The following EDDM13 variants were observed in gnomAD, a reference collection of about 807,000 sequenced individuals.
EDDM13 encodes epididymal protein 13.
In EDDM13, 24 loss-of-function variants were observed where a neutral mutation model predicts 17.8. The observed-to-expected ratio is 1.35, with a 90% confidence interval of 0.98 to 1.90. The LOEUF (loss-of-function observed/expected upper bound fraction) is 1.90. Among genes scored for constraint, EDDM13 ranks in the 40% most tolerant of loss-of-function variants. EDDM13 has a pLI of 0.00. For synonymous variants in EDDM13, 31 were observed against 37.5 expected (o/e 0.83, Z 0.63); for missense variants, 97 against 100.8 (o/e 0.96, Z 0.16).
chr19:56,307,245 C>T (rs954360119), intron 14 of EDDM13, among the ~76,000 whole-genome samples: 6 of 152,236 alleles, frequency 3.9e-5, no homozygotes, highest in Non-Finnish European at 7.3e-5. Context: ...CATCCTCTCC[C>T]TGGCATCCCC....
chr19:56,283,493 A>C (rs2038869667), intron 4 of EDDM13: 1 of 152,304 alleles, frequency 6.6e-6, no homozygotes, highest in South Asian at 2.1e-4. Flanking sequence ...TGCCCACATC[A>C]ATATTCCCAA....
chr19:56,292,261 A>AAAACATG (rs1292934929), intron 9 of EDDM13, among the ~76,000 whole-genome samples: 2 of 152,194 alleles, frequency 1.3e-5, no homozygotes, highest in Non-Finnish European at 2.9e-5. Context: ...TAAAATATAC[A>AAAACATG]AAACATGAAA....
At chr19:56,275,966 C>A (rs1364502823) in intron 1 of EDDM13, among the ~76,000 whole-genome samples, 126 bp from the exon 2 acceptor site, 1 of 152,196 alleles carries the variant, frequency 6.6e-6, no homozygotes, top group East Asian at 1.9e-4. Flanking sequence ...AGTGGGTCAG[C>A]TGATCTCCAG....
At position 56,285,536 on chromosome 19, in the gene EDDM13, GT is replaced by G. The variant is rs200384376; in HGVS notation, c.154+520del. Among the ~76,000 whole-genome samples the G allele has an allele frequency of 2.6e-3, 392 of 151,982 alleles. 8 individuals carry two copies. The highest frequency in any genetic ancestry group is 0.018 in the Admixed American group (270 of 15,260). On this transcript the variant is annotated intron_variant, in intron 6 of 14. Transcript: ENST00000649256. ...TGAGCCTCTGGTTCATGTACATTTA[GT>G]TTTTTTTCTAATATATATGTTTTTA...
chr19:56,309,249 C>A (rs190344800), intron 14 of EDDM13, among the ~76,000 whole-genome samples: 157 of 152,238 alleles, frequency 1.0e-3, no homozygotes, highest in African/African-American at 3.6e-3. Context: ...ACAGATCTGG[C>A]AAATTCAAAG....
chr19:56,302,419 CCTCCCTTT>C lies in EDDM13; in HGVS notation c.423+332_423+339del, dbSNP rs1392428304. Among the ~76,000 whole-genome samples, 29 of 140,988 alleles carry C rather than the reference CCTCCCTTT, an allele frequency of 2.1e-4. No individual in the cohort carries two copies. The East Asian group carries it at 4.1e-3, about 20-fold the overall frequency. The allele number at this position is 140,988 out of a possible 152,430, so 92.5% of individuals were successfully genotyped here. A position where few individuals can be genotyped will look rare whatever the true frequency, so the allele number is the denominator to read the frequency against. Reference sequence around the variant, plus strand: ...CCTATTCTTTCCTCCTCCCTTCATCCCTCCCTTTCTCCCTTCCTTCCTTTCTTCCTCTC... The same window carrying C: ...CCTATTCTTTCCTCCTCCCTTCATCCCTCCCTTCCTTCCTTTCTTCCTCTC... On this transcript the variant is annotated intron_variant, in intron 13 of 14. Coordinates refer to ENST00000649256, the MANE Select transcript of EDDM13 (RefSeq NM_001354658.2).
chr19:56,304,074 T>A (rs1004041404), intron 13 of EDDM13, among the ~76,000 whole-genome samples: 1 of 152,074 alleles, frequency 6.6e-6, no homozygotes, highest in African/African-American at 2.4e-5. Flanking sequence ...CCTTCTGAGT[T>A]ATCAAAGGAT....
chr19:56,296,478 G>A (rs371673959), intron 11 of EDDM13, 116 bp downstream of exon 11: 7 of 152,284 alleles, frequency 4.6e-5, no homozygotes, highest in Admixed American at 1.3e-4. Flanking sequence ...CTCTTTATCC[G>A]TATCATCATC....
chr19:56,280,712 G>A (rs969493108), intron 2 of EDDM13: 4 of 152,132 alleles, frequency 2.6e-5, no homozygotes, highest in African/African-American at 9.7e-5. Flanking sequence ...TATGATCAAA[G>A]GACAGAGAGA....
At chr19:56,297,620 T>C (rs2039967426) in intron 12 of EDDM13, 89 bp downstream of exon 12, 1 of 801,402 alleles carries the variant, frequency 1.2e-6, no homozygotes, top group Admixed American at 6.3e-5. Flanking sequence ...AGAGAAGATT[T>C]CAGGTAATCA....
chr19:56,278,100 T>TG (rs2038401234), intron 2 of EDDM13, among the ~76,000 whole-genome samples: 1 of 103,846 alleles, frequency 9.6e-6, no homozygotes. Flanking sequence ...CACAATGTGC[T>TG]ATTTTTTTTT....
At chr19:56,281,911 A>G (rs1033395862) in intron 3 of EDDM13, among the ~76,000 whole-genome samples, 1 of 152,222 alleles carries the variant, frequency 6.6e-6, no homozygotes, top group Non-Finnish European at 1.5e-5. Context: ...GAGGAGGCCA[A>G]CAAGCCTCTG....
intron 9 of EDDM13, among the ~76,000 whole-genome samples, 34 bp downstream of exon 9, chr19:56,290,880 G>A (rs1316952680): frequency 2.0e-5 from 3 of 152,114 alleles, no homozygotes; most frequent in Admixed American, 1.3e-4. Context: ...GGGTCACTTG[G>A]AAGTTTTCAG....
intron 3 of EDDM13, 113 bp from the exon 4 acceptor site, chr19:56,282,378 G>A (rs1335890221): frequency 3.7e-6 from 2 of 536,276 alleles, no homozygotes; most frequent in Admixed American, 6.4e-5. Flanking sequence ...GGGGTGCAAT[G>A]AGGTACCAAG....
chr19:56,288,074 CT>C (rs2147127102), intron 6 of EDDM13, among the ~76,000 whole-genome samples: 1 of 152,270 alleles, frequency 6.6e-6, no homozygotes, highest in Admixed American at 6.5e-5. Context: ...GGTCACGAGG[CT>C]GGTGTGGCAG....
At chr19:56,298,670 T>C (rs1318530779) in intron 12 of EDDM13, among the ~76,000 whole-genome samples, 1 of 149,750 alleles carries the variant, frequency 6.7e-6, no homozygotes, top group African/African-American at 2.5e-5. Context: ...AAAAAAAATC[T>C]GAATAATCCT....
At chr19:56,304,522 C>A (rs1325048926) in intron 13 of EDDM13, among the ~76,000 whole-genome samples, 1 of 152,106 alleles carries the variant, frequency 6.6e-6, no homozygotes, top group Non-Finnish European at 1.5e-5. Context: ...ACGTCAGGAA[C>A]CTGAGGCTGA....
At chr19:56,300,927 G>T (rs963519432) in intron 12 of EDDM13, among the ~76,000 whole-genome samples, 1 of 152,144 alleles carries the variant, frequency 6.6e-6, no homozygotes, top group African/African-American at 2.4e-5. Flanking sequence ...CGACACGGTC[G>T]GATCTGGTGC....
At chr19:56,289,420 T>A (rs1359560098) in intron 8 of EDDM13, among the ~76,000 whole-genome samples, 1 of 152,152 alleles carries the variant, frequency 6.6e-6, no homozygotes, top group African/African-American at 2.4e-5. Context: ...GGAAGAAAGA[T>A]GGTGGAGCAG....
Sources: gnomAD v4.1 joint callset for allele counts (sites outside exome capture counted in the v4.1 genomes callset) on GRCh38, gnomAD v4.1.1 for gene constraint, MANE v1.5 for transcripts, NCBI Gene and HGNC (gene_info 2026-07-23, HGNC 2026-07-21) for gene names.